Variants in TENM4 observed in about 807,000 individuals in gnomAD.
TENM4 encodes the protein teneurin-4.
A neutral mutation model predicts 243.3 loss-of-function variants in TENM4; 82 were observed. The ratio of observed to expected loss-of-function variants is 0.34; its 90% CI spans 0.28 to 0.40. TENM4 has a LOEUF of 0.40. TENM4 is among the 10% of genes least tolerant of loss of function. TENM4 has a pLI of 1.00. For synonymous variants in TENM4, 1,412 were observed against 1,456.3 expected, an observed-to-expected ratio of 0.97 and a Z score of 0.69; for missense variants, 3,138 against 3,673.3, an observed-to-expected ratio of 0.85 and a Z score of 3.77.
intron 6 of TENM4, among the ~76,000 whole-genome samples, chr11:79,063,264 C>T (rs574150765): frequency 2.6e-5 from 4 of 152,328 alleles, no homozygotes; most frequent in African/African-American, 9.6e-5. Flanking sequence ...TTGGAGCCTC[C>T]TCTTCAGAGA....
intron 3 of TENM4, among the ~76,000 whole-genome samples, chr11:79,203,542 A>G (rs764308535): frequency 3.9e-5 from 6 of 152,220 alleles, no homozygotes; most frequent in Admixed American, 6.5e-5. Context: ...TATCTATAAT[A>G]AAGTTTAATT....
intron 1 of TENM4, among the ~76,000 whole-genome samples, chr11:79,339,274 C>T (rs1028027368): frequency 2.6e-4 from 40 of 152,206 alleles, no homozygotes; most frequent in African/African-American, 8.9e-4. Flanking sequence ...ATTCTGTGAG[C>T]ATAGGTCCTC....
intron 21 of TENM4, 124 bp downstream of exon 21, chr11:78,732,192 G>C: frequency 7.4e-7 from 1 of 1,359,542 alleles, no homozygotes; most frequent in South Asian, 1.6e-5. Context: ...TTGCATAACA[G>C]GCTGATGGGA....
chr11:78,976,334 A>C (rs138242466), intron 6 of TENM4, among the ~76,000 whole-genome samples: 2,418 of 152,320 alleles, frequency 0.016, 37 homozygotes, highest in Non-Finnish European at 0.023. Context: ...AGAAAACCCA[A>C]AGCATATAAA....
intron 19 of TENM4, among the ~76,000 whole-genome samples, chr11:78,747,644 C>T (rs982400373): frequency 3.3e-5 from 5 of 152,206 alleles, no homozygotes; most frequent in Non-Finnish European, 1.5e-5. Context: ...CCCTGTCAAG[C>T]CCCTCACTGT....
chr11:78,971,546 C>G (rs1857547481), intron 6 of TENM4, among the ~76,000 whole-genome samples: 1 of 152,092 alleles, frequency 6.6e-6, no homozygotes, highest in Admixed American at 6.5e-5. Flanking sequence ...TATGATCCAC[C>G]CACCTCGGCC....
intron 9 of TENM4, among the ~76,000 whole-genome samples, chr11:78,867,955 T>C (rs1859024696): frequency 6.6e-6 from 1 of 151,884 alleles, no homozygotes; most frequent in African/African-American, 2.4e-5. Flanking sequence ...AATAAATATT[T>C]AGGGAGGGGG....
intron 9 of TENM4, among the ~76,000 whole-genome samples, chr11:78,870,326 T>G (rs1247119029): frequency 6.6e-6 from 1 of 152,208 alleles, no homozygotes; most frequent in African/African-American, 2.4e-5. Context: ...TTTCTATATG[T>G]TCCCTATTAG....
chr11:79,202,645 G>A (rs748148162), intron 3 of TENM4, among the ~76,000 whole-genome samples: 88 of 152,188 alleles, frequency 5.8e-4, no homozygotes, highest in Non-Finnish European at 1.0e-3. Flanking sequence ...GGACAGTCCA[G>A]TGGTGGCCCC....
chr11:79,352,853 C>T (rs1259289722), intron 1 of TENM4, among the ~76,000 whole-genome samples: 1 of 152,058 alleles, frequency 6.6e-6, no homozygotes, highest in African/African-American at 2.4e-5. Flanking sequence ...TTCTGTGCAC[C>T]AGGCCCAAGT....
intron 7 of TENM4, 131 bp downstream of exon 7, chr11:78,903,137 C>A: frequency 2.3e-6 from 3 of 1,306,696 alleles, no homozygotes; most frequent in Non-Finnish European, 3.0e-6. Context: ...CATCCCTAAA[C>A]CGTGCACCCA....
chr11:79,263,327 C>G (rs190494426), intron 2 of TENM4, among the ~76,000 whole-genome samples: 150 of 152,304 alleles, frequency 9.8e-4, no homozygotes, highest in African/African-American at 3.5e-3. Flanking sequence ...GCAGCTGGGC[C>G]CACCTGGCCT....
chr11:78,657,430 A>T lies in TENM4; in HGVS notation c.*628T>A. ...TTGAACAGGAGTTTGGGGCAGCTTA[A>T]AAAAGGTGCTGAACAACACCATGAA... On this transcript the variant is annotated 3_prime_UTR_variant, in exon 34 of 34. Coordinates refer to ENST00000278550, the MANE Select transcript of TENM4 (RefSeq NM_001098816.3). 1 of 376,706 alleles carries T rather than the reference A, an allele frequency of 2.7e-6. No individual in the cohort carries two copies. Among genetic ancestry groups the T allele is most frequent in the East Asian group, 3.8e-5 (1 of 26,300 alleles). The allele number at this position is 376,706 out of a possible 1,614,324, so 23.3% of individuals were successfully genotyped here.
At chr11:78,752,268 G>C (rs770910207) in intron 19 of TENM4, among the ~76,000 whole-genome samples, 47 of 152,246 alleles carry the variant, frequency 3.1e-4, no homozygotes, top group Non-Finnish European at 5.6e-4. Context: ...AGGAGATGGG[G>C]TCTGGCCTCT....
At chr11:78,864,391 G>A (rs911840398) in intron 9 of TENM4, among the ~76,000 whole-genome samples, 3 of 112,000 alleles carry the variant, frequency 2.7e-5, no homozygotes, top group Admixed American at 1.3e-4. Context: ...CCGAGATCCC[G>A]CCACTGCACT....
intron 3 of TENM4, among the ~76,000 whole-genome samples, chr11:79,186,165 T>A (rs1427324060): frequency 6.6e-6 from 1 of 152,182 alleles, no homozygotes; most frequent in Non-Finnish European, 1.5e-5. Context: ...TTACTAATAT[T>A]CCTATATCTT....
At chr11:79,401,726 C>T (rs533587452) in intron 1 of TENM4, among the ~76,000 whole-genome samples, 6 of 152,320 alleles carry the variant, frequency 3.9e-5, no homozygotes, top group African/African-American at 1.4e-4. Flanking sequence ...CCATCAAGCT[C>T]AGTCCAAATG....
At chr11:79,212,423 C>A (rs1186503760) in intron 3 of TENM4, among the ~76,000 whole-genome samples, 1 of 152,210 alleles carries the variant, frequency 6.6e-6, no homozygotes, top group East Asian at 1.9e-4. Context: ...TTTTCTTCTC[C>A]TCTTCCCTTT....
intron 6 of TENM4, among the ~76,000 whole-genome samples, chr11:78,986,314 C>T (rs1317822976): frequency 6.6e-6 from 1 of 152,214 alleles, no homozygotes; most frequent in African/African-American, 2.4e-5. Flanking sequence ...GTATTCCAGA[C>T]ACTGAGCTAA....
Sources: allele counts gnomAD v4.1 joint callset (sites outside exome capture counted in the v4.1 genomes callset), GRCh38; gene constraint gnomAD v4.1.1; transcripts MANE v1.5; gene names NCBI Gene and HGNC (gene_info 2026-07-23, HGNC 2026-07-21).